The following STPG2 variants were observed in gnomAD, a reference collection of about 807,000 sequenced individuals.
STPG2 encodes sperm-tail PG-rich repeat-containing protein 2.
STPG2 carries 56 observed loss-of-function variants against 54.2 expected under a neutral mutation model. That is an observed-to-expected ratio of 1.03 (90% confidence interval 0.83 to 1.29). The LOEUF is 1.29. STPG2 is among the 50% of genes most tolerant of loss of function. The pLI is 0.00. For synonymous variants in STPG2, 200 were observed against 181.8 expected (o/e 1.10, Z -0.81); for missense variants, 596 against 544.9 (o/e 1.09, Z -0.93).
chr4:97,943,761 A>G (rs2149232155), intron 8 of STPG2, 136 bp downstream of exon 8: 1 of 554,070 alleles, frequency 1.8e-6, no homozygotes, highest in African/African-American at 2.0e-5. Flanking sequence ...TAAAAATATA[A>G]AAGTATCGGT....
chr4:97,454,820 G>A (rs1729475162), intron 4 of STPG2, among the ~76,000 whole-genome samples: 1 of 152,080 alleles, frequency 6.6e-6, no homozygotes, highest in Non-Finnish European at 1.5e-5. Flanking sequence ...AAGAAAGCCA[G>A]TAAAGTCTTT....
chr4:97,602,128 T>C (rs1733478397), intron 10 of STPG2, among the ~76,000 whole-genome samples: 1 of 152,004 alleles, frequency 6.6e-6, no homozygotes, highest in African/African-American at 2.4e-5. Context: ...TAAATTTTAT[T>C]ATTTGCCCAT....
intron 10 of STPG2, among the ~76,000 whole-genome samples, chr4:97,704,830 C>T (rs1469621782): frequency 6.6e-6 from 1 of 151,914 alleles, no homozygotes; most frequent in South Asian, 2.1e-4. Flanking sequence ...AAATTTTCCA[C>T]AAAGATAATA....
At chr4:98,038,904 C>T (rs1003372531) in intron 5 of STPG2, among the ~76,000 whole-genome samples, 1 of 151,936 alleles carries the variant, frequency 6.6e-6, no homozygotes, top group East Asian at 1.9e-4. Flanking sequence ...ACATAGGAAA[C>T]AATGTCAACT....
intron 5 of STPG2, among the ~76,000 whole-genome samples, chr4:98,016,948 G>A (rs1352436469): frequency 4.6e-5 from 7 of 152,172 alleles, no homozygotes; most frequent in African/African-American, 1.7e-4. Context: ...ATATTCAGTT[G>A]GTAGGCAAAC....
chr4:97,804,027 T>C (rs1311471942), intron 9 of STPG2, among the ~76,000 whole-genome samples: 1 of 152,220 alleles, frequency 6.6e-6, no homozygotes, highest in Non-Finnish European at 1.5e-5. Flanking sequence ...GGTTCCTATC[T>C]GTAGCAGTTA....
At position 97,937,157 on chromosome 4, in the gene STPG2, C is replaced by T. The variant is rs569798049; in HGVS notation, c.1044+6740G>A. Among the ~76,000 whole-genome samples the T allele has an allele frequency of 1.4e-4, 21 of 151,872 alleles. No individual in the cohort carries two copies. The South Asian group carries it at 4.4e-3, about 32-fold the overall frequency. ...TCAAGTTCTGATATTCTTTCTTCTG[C>T]TTGATCGATTCAGCTATTGATATTT... On this transcript the variant is annotated intron_variant, in intron 8 of 10. Transcript: ENST00000295268.
intron 10 of STPG2, among the ~76,000 whole-genome samples, chr4:97,708,170 A>C (rs1724008497): frequency 6.6e-6 from 1 of 152,134 alleles, no homozygotes; most frequent in Non-Finnish European, 1.5e-5. Context: ...TGAAAGGGAC[A>C]AAAACACAAC....
intron 4 of STPG2, among the ~76,000 whole-genome samples, chr4:97,486,559 C>T (rs1730364150): frequency 6.6e-6 from 1 of 151,732 alleles, no homozygotes; most frequent in Non-Finnish European, 1.5e-5. Context: ...CACTTCTACA[C>T]TGCTGGTGGG....
chr4:97,560,519 A>G (rs1732199721), intron 10 of STPG2, among the ~76,000 whole-genome samples: 1 of 152,212 alleles, frequency 6.6e-6, no homozygotes, highest in Admixed American at 6.5e-5. Flanking sequence ...AGGGCTTATC[A>G]GACACGAGCA....
At chr4:98,111,843 T>TTC (rs1739370410) in intron 3 of STPG2, among the ~76,000 whole-genome samples, 1 of 152,106 alleles carries the variant, frequency 6.6e-6, no homozygotes, top group Admixed American at 6.6e-5. Context: ...GGTAAATTTG[T>TTC]TCTCTTTTCT....
At chr4:97,729,224 G>A (rs1304366803) in intron 9 of STPG2, among the ~76,000 whole-genome samples, 1 of 151,856 alleles carries the variant, frequency 6.6e-6, no homozygotes, top group Non-Finnish European at 1.5e-5. Flanking sequence ...AACTTTTGGA[G>A]GAGCTTTGAG....
At chr4:97,633,034 C>A (rs1318263807) in intron 10 of STPG2, among the ~76,000 whole-genome samples, 1 of 151,884 alleles carries the variant, frequency 6.6e-6, no homozygotes, top group East Asian at 1.9e-4. Flanking sequence ...ATATTTCTCC[C>A]AAATATATAA....
At chr4:97,841,008 T>A in intron 8 of STPG2, 76 bp from the exon 9 acceptor site, 1 of 1,414,732 alleles carries the variant, frequency 7.1e-7, no homozygotes, top group East Asian at 2.4e-5. Context: ...GATGGATGGT[T>A]ACAGTAAGCA....
chr4:97,869,813 TTTC>T (rs1441141962), intron 8 of STPG2, among the ~76,000 whole-genome samples: 14 of 151,558 alleles, frequency 9.2e-5, no homozygotes, highest in Non-Finnish European at 3.0e-5. Context: ...TAATTTTTAA[TTTC>T]TTTTCATATC....
chr4:97,628,361 G>T (rs1193937233), intron 10 of STPG2, among the ~76,000 whole-genome samples: 1 of 152,070 alleles, frequency 6.6e-6, no homozygotes, highest in Non-Finnish European at 1.5e-5. Context: ...AAAAAATAAA[G>T]CTGTGCCAGA....
At chr4:97,764,084 T>C (rs1344116893) in intron 9 of STPG2, among the ~76,000 whole-genome samples, 1 of 149,714 alleles carries the variant, frequency 6.7e-6, no homozygotes, top group Non-Finnish European at 1.5e-5. Flanking sequence ...TGGATCCCTC[T>C]TCAAATCCAA....
chr4:97,852,962 A>ATTT (rs1729211257), intron 8 of STPG2, among the ~76,000 whole-genome samples: 2 of 109,596 alleles, frequency 1.8e-5, no homozygotes, highest in African/African-American at 7.7e-5. Context: ...AAATTAACAT[A>ATTT]TTTTCTTTTT....
In STPG2 at chr4:97,583,288, T is replaced by A. The variant is rs978349253; in HGVS notation, c.1321-24171A>T. ...ATGGAAGAGGTGTTTTTAGGATCCC[T>A]CAGAACAAATTAAAAGAATAGCTAC... On this transcript the variant is annotated intron_variant, in intron 10 of 10. Transcript: ENST00000295268. Among the ~76,000 whole-genome samples the A allele has an allele frequency of 3.3e-5, 5 of 151,898 alleles. No homozygotes were observed. The South Asian group carries it at 6.2e-4, about 19-fold the overall frequency.
Sources: allele counts gnomAD v4.1 joint callset (sites outside exome capture counted in the v4.1 genomes callset), GRCh38; gene constraint gnomAD v4.1.1; transcripts MANE v1.5; gene names NCBI Gene and HGNC (gene_info 2026-07-23, HGNC 2026-07-21).